The following TBC1D19 variants were observed in gnomAD, a reference collection of about 807,000 sequenced individuals.
The protein encoded by TBC1D19 is TBC1 domain family member 19, also known as TBC1 domain family, member 19.
TBC1D19 carries 60 observed loss-of-function variants against 89.0 expected under a neutral mutation model. The ratio of observed to expected loss-of-function variants is 0.67; its 90% confidence interval spans 0.55 to 0.84. TBC1D19 has a LOEUF of 0.84. Ranked by LOEUF, TBC1D19 falls within the 40% of genes least tolerant of loss-of-function variation. TBC1D19 has a pLI of 0.00. For missense variants in TBC1D19, 500 were observed against 610.8 expected (o/e 0.82, Z 1.91); for synonymous variants, 189 against 199.7 (o/e 0.95, Z 0.45).
the TBC1D19 span, among the ~76,000 whole-genome samples, chr4:26,843,446 G>C: frequency 1.3e-5 from 2 of 151,974 alleles, no homozygotes; most frequent in Non-Finnish European, 2.9e-5. Context: ...AGAAAGAAGA[G>C]ATAGTGCTGA....
At chr4:26,795,168 C>T in the TBC1D19 span, among the ~76,000 whole-genome samples, 1 of 152,158 alleles carries the variant, frequency 6.6e-6, no homozygotes, top group Non-Finnish European at 1.5e-5. Context: ...CCACACTGGA[C>T]TTCTTGCTAC....
chr4:26,786,796 G>T, the TBC1D19 span, among the ~76,000 whole-genome samples: 2,934 of 147,862 alleles, frequency 0.02, 82 homozygotes, highest in Admixed American at 0.044. Context: ...TGGATGGATG[G>T]GTGGGTGGAA....
At chr4:26,725,624 GC>G (rs1309558220) in intron 15 of TBC1D19, among the ~76,000 whole-genome samples, 1 of 151,916 alleles carries the variant, frequency 6.6e-6, no homozygotes, top group African/African-American at 2.4e-5. Context: ...ATGTTGCCAG[GC>G]TAGTCTTGAA....
chr4:26,732,954 G>A (rs940047020), intron 15 of TBC1D19, among the ~76,000 whole-genome samples: 1 of 152,220 alleles, frequency 6.6e-6, no homozygotes, highest in Non-Finnish European at 1.5e-5. Context: ...CTACAATTCA[G>A]TGTTAAACAC....
chr4:26,833,391 A>G, the TBC1D19 span, among the ~76,000 whole-genome samples: 2 of 152,218 alleles, frequency 1.3e-5, no homozygotes, highest in Admixed American at 1.3e-4. Flanking sequence ...TTTGATAAAT[A>G]CATAGAGTCA....
chr4:26,703,960 CAA>C (rs11453747), intron 13 of TBC1D19, among the ~76,000 whole-genome samples: 2 of 114,246 alleles, frequency 1.8e-5, no homozygotes, highest in Admixed American at 1.0e-4. Flanking sequence ...GACTCCGTCT[CAA>C]AAAAAAAAAA....
intron 13 of TBC1D19, among the ~76,000 whole-genome samples, chr4:26,710,201 T>G (rs188197157): frequency 1.1e-4 from 16 of 151,916 alleles, no homozygotes; most frequent in Admixed American, 8.5e-4. Flanking sequence ...CCCACAACAG[T>G]CCCCAGTGTG....
intron 7 of TBC1D19, among the ~76,000 whole-genome samples, chr4:26,648,693 C>T (rs1468078810): frequency 1.3e-5 from 2 of 152,112 alleles, no homozygotes; most frequent in Non-Finnish European, 2.9e-5. Flanking sequence ...AAACAGTTTA[C>T]TTTGAATGTT....
intron 1 of TBC1D19, among the ~76,000 whole-genome samples, chr4:26,606,583 A>G (rs1009198596): frequency 6.6e-6 from 1 of 152,204 alleles, no homozygotes; most frequent in African/African-American, 2.4e-5. Flanking sequence ...GGAATTGAGT[A>G]AGGTAGGGAT....
intron 1 of TBC1D19, among the ~76,000 whole-genome samples, chr4:26,604,148 C>A (rs146935258): frequency 8.3e-6 from 1 of 120,700 alleles, no homozygotes; most frequent in Non-Finnish European, 1.7e-5. Flanking sequence ...TTTTCTTTTT[C>A]TTTTTTTTTT....
chr4:26,743,104 C>G (rs895060098), intron 18 of TBC1D19, among the ~76,000 whole-genome samples: 1 of 152,034 alleles, frequency 6.6e-6, no homozygotes, highest in Non-Finnish European at 1.5e-5. Context: ...TTGGTCTCAG[C>G]ATGAGTTATA....
At chr4:26,677,976 T>C (rs182555551) in intron 11 of TBC1D19, among the ~76,000 whole-genome samples, 285 of 152,276 alleles carry the variant, frequency 1.9e-3, no homozygotes, top group African/African-American at 6.5e-3. Context: ...ATATAGTAAA[T>C]TGGTACTGCA....
intron 1 of TBC1D19, among the ~76,000 whole-genome samples, chr4:26,607,814 T>C (rs1337703115): frequency 6.6e-6 from 1 of 152,212 alleles, no homozygotes; most frequent in Non-Finnish European, 1.5e-5. Context: ...GGGACACTTC[T>C]TACAAATGCA....
chr4:26,612,488 C>A (rs260952), intron 1 of TBC1D19, among the ~76,000 whole-genome samples: 1 of 151,718 alleles, frequency 6.6e-6, no homozygotes, highest in Non-Finnish European at 1.5e-5. Flanking sequence ...TTGAGATCCT[C>A]TAATAGAAAT....
intron 15 of TBC1D19, among the ~76,000 whole-genome samples, chr4:26,726,126 AACACACACACACACACACACACAC>A (rs56262902): frequency 1.6e-5 from 2 of 127,178 alleles, no homozygotes; most frequent in East Asian, 2.4e-4. Flanking sequence ...CAATTCTCCC[AACACACACACACACACACACACAC>A]ACACACACAC....
the TBC1D19 span, among the ~76,000 whole-genome samples, chr4:26,798,625 C>T: frequency 5.3e-5 from 8 of 151,666 alleles, no homozygotes; most frequent in South Asian, 1.5e-3. Flanking sequence ...CTATTCAAGT[C>T]ATGGAACCAA....
chr4:26,611,506 C>A (rs1455063340), intron 1 of TBC1D19, among the ~76,000 whole-genome samples: 4 of 152,112 alleles, frequency 2.6e-5, no homozygotes, highest in Non-Finnish European at 4.4e-5. Flanking sequence ...CTTCATCAGA[C>A]TCAGGTATTA....
downstream of TBC1D19, among the ~76,000 whole-genome samples, chr4:26,760,408 CA>C (rs1229403207): frequency 6.6e-6 from 1 of 151,646 alleles, no homozygotes; most frequent in African/African-American, 2.4e-5. Context: ...ACAAAAAATA[CA>C]AAAAAAATTA....
At chr4:26,729,431 C>A (rs1329905440) in intron 15 of TBC1D19, among the ~76,000 whole-genome samples, 1 of 152,160 alleles carries the variant, frequency 6.6e-6, no homozygotes, top group East Asian at 1.9e-4. Flanking sequence ...TGTTAAACAG[C>A]TAATTATAAC....
Sources: allele counts gnomAD v4.1 joint callset (sites outside exome capture counted in the v4.1 genomes callset), GRCh38; gene constraint gnomAD v4.1.1; transcripts MANE v1.5; gene names NCBI Gene and HGNC (gene_info 2026-07-23, HGNC 2026-07-21).